The following ARHGEF4 variants were observed in gnomAD, a reference collection of about 807,000 sequenced individuals.
ARHGEF4 encodes Rho guanine nucleotide exchange factor 4.
Under a neutral mutation model 162.0 loss-of-function variants are expected in ARHGEF4, and 119 were observed. The ratio of observed to expected loss-of-function variants is 0.73; its 90% confidence interval spans 0.63 to 0.86. ARHGEF4 has a LOEUF of 0.86. Ranked by LOEUF, ARHGEF4 falls within the 40% of genes least tolerant of loss-of-function variation. The probability of loss-of-function intolerance (pLI) is 0.00; values close to 1 mark genes in which losing one functional copy is unlikely to be tolerated. For synonymous variants in ARHGEF4, 1,014 were observed against 979.9 expected, an observed-to-expected ratio of 1.03 and a Z score of -0.65; for missense variants, 2,488 against 2,456.0, an observed-to-expected ratio of 1.01 and a Z score of -0.28.
chr2:130,901,078 C>T (rs936896560), intron 1 of ARHGEF4, among the ~76,000 whole-genome samples: 8 of 152,126 alleles, frequency 5.3e-5, no homozygotes, highest in African/African-American at 1.7e-4. Context: ...TCTGTCTCTG[C>T]CTCTGCCACT....
intron 1 of ARHGEF4, among the ~76,000 whole-genome samples, chr2:130,912,631 G>T (rs1559034231): frequency 6.6e-6 from 1 of 152,114 alleles, no homozygotes; most frequent in South Asian, 2.1e-4. Flanking sequence ...CAAAGCTTGT[G>T]TCAAGGAGCC....
At chr2:130,839,799 G>A (rs940302831) in intron 1 of ARHGEF4, among the ~76,000 whole-genome samples, 1 of 152,162 alleles carries the variant, frequency 6.6e-6, no homozygotes, top group Non-Finnish European at 1.5e-5. Flanking sequence ...TGGACCCCCT[G>A]CTGCCTGCCT....
intron 3 of ARHGEF4, among the ~76,000 whole-genome samples, chr2:130,941,171 G>A (rs1025784436): frequency 6.6e-6 from 1 of 151,758 alleles, no homozygotes; most frequent in African/African-American, 2.4e-5. Context: ...GCAGGGGTTA[G>A]GGGTACCAAC....
In ARHGEF4 at chr2:130,917,195, C is replaced by T. The variant is rs1004152751; in HGVS notation, c.3249C>T (p.Pro1083=). The T allele has an allele frequency of 3.9e-6, 6 of 1,550,372 alleles. No homozygotes were observed. Among genetic ancestry groups the T allele is most frequent in the Middle Eastern group, 1.7e-4 (1 of 6,014 alleles). Residue 1083 remains proline, a synonymous_variant, in exon 2 of 14, where the codon CCC becomes CCT. Transcript: ENST00000409359. The part of the protein sequence containing the change: ...SSACCLAYEN[P]GTPCRPTSPK... ...CCTGCTGCCTGGCATATGAAAACCC[C>T]GGGACGCCCTGCAGACCCACGAGCC...
chr2:130,975,313 G>A (rs189414316), intron 4 of ARHGEF4, among the ~76,000 whole-genome samples: 8 of 152,200 alleles, frequency 5.3e-5, no homozygotes, highest in Admixed American at 1.3e-4. Flanking sequence ...ACTGCCCCTC[G>A]GAGGGCTAGC....
chr2:130,972,257 T>C lies in ARHGEF4; in HGVS notation c.3985+25622T>C, dbSNP rs571264653. ...TGAGGGCTTGGGCAGGAGAAAAATA[T>C]ATCACTTACAAATGTTTCATTTCAG... On this transcript the variant is annotated intron_variant, in intron 4 of 13. Coordinates refer to ENST00000409359, the MANE Select transcript of ARHGEF4 (RefSeq NM_001367493.1). Among the ~76,000 whole-genome samples, 4 of 152,308 alleles carry C rather than the reference T, an allele frequency of 2.6e-5. No homozygotes were observed. The South Asian group carries it at 8.3e-4, about 32-fold the overall frequency.
chr2:131,039,541 T>A, intron 6 of ARHGEF4: 21 of 1,034,818 alleles, frequency 2.0e-5, no homozygotes, highest in Non-Finnish European at 2.4e-5. Context: ...GCGTCCAAGC[T>A]GAGGGCCGTC....
rs1350966321 is a variant in ARHGEF4 at position 130,917,384 on chromosome 2, G to T, written c.3438G>T (p.Leu1146=). The T allele has an allele frequency of 3.9e-6, 6 of 1,550,542 alleles. No homozygotes were observed. In the African/African-American group the frequency reaches 6.8e-5, roughly 18 times the overall value. ...PKIPKGQTSF[L]LSLQTLNQDE... ...TTCCCAAGGGCCAGACCAGTTTCCT[G>T]CTTTCTCTGCAGACGCTAAACCAAG... is the stretch of plus-strand genomic sequence containing the variant. The change falls in exon 2 of 14, where the codon CTG becomes CTT. Residue 1146 remains leucine, a synonymous_variant. Coordinates refer to ENST00000409359, the MANE Select transcript of ARHGEF4 (RefSeq NM_001367493.1).
intron 12 of ARHGEF4, among the ~76,000 whole-genome samples, chr2:131,045,103 G>C (rs1396073127): frequency 6.6e-6 from 1 of 152,212 alleles, no homozygotes. Context: ...GACATGGAGT[G>C]AAGGTGAGAG....
chr2:130,844,918 G>A (rs1680849490), intron 1 of ARHGEF4, among the ~76,000 whole-genome samples: 1 of 151,766 alleles, frequency 6.6e-6, no homozygotes, highest in African/African-American at 2.4e-5. Context: ...TCCACCTCCG[G>A]GTTCAAGTGA....
At chr2:130,992,580 C>T (rs1687100975) in intron 4 of ARHGEF4, among the ~76,000 whole-genome samples, 1 of 151,958 alleles carries the variant, frequency 6.6e-6, no homozygotes, top group South Asian at 2.1e-4. Flanking sequence ...CCGAACCTAT[C>T]CGACCATCAG....
intron 4 of ARHGEF4, among the ~76,000 whole-genome samples, chr2:130,992,176 A>G (rs76259915): frequency 0.024 from 3,654 of 152,194 alleles, 150 homozygotes; most frequent in East Asian, 0.2. Context: ...TAAACGCACC[A>G]ATCAGCGCCC....
intron 1 of ARHGEF4, among the ~76,000 whole-genome samples, chr2:130,877,021 G>A (rs890541768): frequency 6.6e-6 from 1 of 152,196 alleles, no homozygotes; most frequent in African/African-American, 2.4e-5. Context: ...CCTAACTTGG[G>A]GCTTTTAGTG....
chr2:130,917,318 C>T lies in ARHGEF4; in HGVS notation c.3372C>T (p.Ser1124=). The T allele has an allele frequency of 6.4e-7, 1 of 1,550,562 alleles. No homozygotes were observed. Among genetic ancestry groups the T allele is most frequent in the Non-Finnish European group, 8.7e-7 (1 of 1,146,998 alleles). ...CCATGGTTTCTCTTGGAAGCTACAG[C>T]TACGTGGACAGCAGTTCAGGGGACC... ...AISMVSLGSY[S]YVDSSSGDPE... The change falls in exon 2 of 14, where the codon AGC becomes AGT. Residue 1124 remains serine, a synonymous_variant. Coordinates refer to ENST00000409359, the MANE Select transcript of ARHGEF4 (RefSeq NM_001367493.1).
intron 2 of ARHGEF4, among the ~76,000 whole-genome samples, chr2:130,926,887 T>C (rs1268930725): frequency 7.6e-6 from 1 of 131,206 alleles, no homozygotes; most frequent in Non-Finnish European, 1.6e-5. Context: ...TGAGAGAGCT[T>C]ATTACAGGCT....
chr2:130,976,223 G>A (rs987217650), intron 4 of ARHGEF4, among the ~76,000 whole-genome samples: 4 of 152,146 alleles, frequency 2.6e-5, no homozygotes, highest in African/African-American at 9.7e-5. Flanking sequence ...GGATAAGAGG[G>A]AAAAGGGATC....
At chr2:130,907,055 C>G (rs891905868) in intron 1 of ARHGEF4, among the ~76,000 whole-genome samples, 1 of 152,114 alleles carries the variant, frequency 6.6e-6, no homozygotes, top group East Asian at 1.9e-4. Flanking sequence ...CCCTTGGAAA[C>G]CCTTGATCTG....
chr2:130,933,849 T>G (rs1013408925), intron 3 of ARHGEF4, among the ~76,000 whole-genome samples: 2 of 152,218 alleles, frequency 1.3e-5, no homozygotes, highest in African/African-American at 4.8e-5. Flanking sequence ...AATTTCTATG[T>G]ATAAGATTAC....
intron 1 of ARHGEF4, among the ~76,000 whole-genome samples, chr2:130,888,008 C>T (rs1465972152): frequency 6.6e-6 from 1 of 152,110 alleles, no homozygotes; most frequent in Admixed American, 6.5e-5. Context: ...TGCAGCTTCC[C>T]AGGGTCTTCT....
Sources: allele counts gnomAD v4.1 joint callset (sites outside exome capture counted in the v4.1 genomes callset), GRCh38; gene constraint gnomAD v4.1.1; transcripts MANE v1.5; gene names NCBI Gene and HGNC (gene_info 2026-07-23, HGNC 2026-07-21).